The following SDK1 variants were observed in gnomAD, a reference collection of about 807,000 sequenced individuals.
The protein encoded by SDK1 is sidekick cell adhesion molecule 1.
Under a neutral mutation model 245.5 loss-of-function variants are expected in SDK1, and 157 were observed. The observed-to-expected ratio is 0.64, with a 90% CI of 0.56 to 0.73. SDK1 has a LOEUF of 0.73. Among genes scored for constraint, SDK1 ranks in the 30% least tolerant of loss-of-function variants. The pLI, the probability that SDK1 is intolerant of heterozygous loss-of-function variation, is 0.00. For synonymous variants in SDK1, 1,647 were observed against 1,278.5 expected (o/e 1.29, Z -6.15); for missense variants, 3,583 against 3,002.3 (o/e 1.19, Z -4.52).
chr7:3,408,613 C>T (rs1166465523), intron 1 of SDK1, among the ~76,000 whole-genome samples: 1 of 152,036 alleles, frequency 6.6e-6, no homozygotes, highest in African/African-American at 2.4e-5. Context: ...TTTTTGCTTT[C>T]TGTATGTTGA....
At chr7:3,591,204 GT>G (rs1450498088) in intron 1 of SDK1, among the ~76,000 whole-genome samples, 2 of 152,180 alleles carry the variant, frequency 1.3e-5, no homozygotes, top group Non-Finnish European at 2.9e-5. Flanking sequence ...TATCTTTAAT[GT>G]TTTTATGTGT....
intron 5 of SDK1, among the ~76,000 whole-genome samples, chr7:3,843,788 TGAG>T (rs1307967131): frequency 6.6e-6 from 1 of 152,278 alleles, no homozygotes; most frequent in African/African-American, 2.4e-5. Context: ...ATCTGTGAAA[TGAG>T]GAGCTTGAGC....
chr7:3,562,665 A>G (rs530603624), intron 1 of SDK1, among the ~76,000 whole-genome samples: 1 of 152,352 alleles, frequency 6.6e-6, no homozygotes, highest in African/African-American at 2.4e-5. Context: ...TATACATAAC[A>G]TAAACTTACC....
At chr7:3,707,330 G>T (rs1407823056) in intron 4 of SDK1, among the ~76,000 whole-genome samples, 1 of 152,156 alleles carries the variant, frequency 6.6e-6, no homozygotes, top group Non-Finnish European at 1.5e-5. Context: ...CCAGGAGCAG[G>T]TTGTTTAATT....
chr7:3,551,250 C>T (rs1779399972), intron 1 of SDK1, among the ~76,000 whole-genome samples: 2 of 152,190 alleles, frequency 1.3e-5, no homozygotes, highest in African/African-American at 4.8e-5. Flanking sequence ...GGTCATATAA[C>T]ATTAATGTGT....
intron 5 of SDK1, among the ~76,000 whole-genome samples, chr7:3,936,478 G>T (rs188398602): frequency 4.6e-5 from 7 of 151,990 alleles, no homozygotes; most frequent in South Asian, 2.1e-4. Context: ...CCAGCTACTC[G>T]GGAGGCTGAG....
chr7:3,969,484 C>A (rs920148182), intron 11 of SDK1, 60 bp downstream of exon 11: 5 of 1,360,610 alleles, frequency 3.7e-6, no homozygotes, highest in Non-Finnish European at 4.9e-6. Flanking sequence ...ATCACGTCAT[C>A]GTGTGCTTTG....
chr7:3,772,771 C>T (rs1046381842), intron 4 of SDK1, among the ~76,000 whole-genome samples: 1 of 152,308 alleles, frequency 6.6e-6, no homozygotes, highest in East Asian at 1.9e-4. Context: ...AGGTAACAAA[C>T]TCCCTCAACT....
intron 1 of SDK1, among the ~76,000 whole-genome samples, chr7:3,495,852 A>G (rs1430972677): frequency 6.6e-6 from 1 of 152,232 alleles, no homozygotes; most frequent in Non-Finnish European, 1.5e-5. Flanking sequence ...CGCTAGAGCC[A>G]GGAAGAGAGA....
chr7:3,363,769 G>A (rs1057113626), intron 1 of SDK1, among the ~76,000 whole-genome samples: 16 of 152,194 alleles, frequency 1.1e-4, no homozygotes, highest in Non-Finnish European at 2.1e-4. Context: ...GAGCTCAGGC[G>A]GGAATGCTCC....
intron 22 of SDK1, among the ~76,000 whole-genome samples, chr7:4,093,271 A>C (rs1266251075): frequency 1.3e-5 from 2 of 151,788 alleles, no homozygotes. Context: ...TTCATTTGCC[A>C]CTCCTGTTTG....
At chr7:3,467,277 A>C (rs1781037348) in intron 1 of SDK1, among the ~76,000 whole-genome samples, 1 of 152,128 alleles carries the variant, frequency 6.6e-6, no homozygotes, top group Non-Finnish European at 1.5e-5. Flanking sequence ...ATTGAGAAAC[A>C]TTTGGAGCCA....
intron 1 of SDK1, among the ~76,000 whole-genome samples, chr7:3,589,214 G>C (rs1435514455): frequency 1.3e-5 from 2 of 152,176 alleles, no homozygotes; most frequent in African/African-American, 2.4e-5. Context: ...TGATCTCACA[G>C]TTGGTGCGGA....
chr7:3,625,605 C>G (rs76680408), intron 2 of SDK1, among the ~76,000 whole-genome samples: 2 of 152,310 alleles, frequency 1.3e-5, no homozygotes, highest in Admixed American at 1.3e-4. Context: ...TTTGCAACGT[C>G]TATGGAGTCT....
intron 1 of SDK1, among the ~76,000 whole-genome samples, chr7:3,403,866 T>C (rs1368774235): frequency 1.7e-5 from 2 of 115,726 alleles, no homozygotes; most frequent in Non-Finnish European, 3.6e-5. Flanking sequence ...TATATATATA[T>C]ATAATATATA....
rs147544847 is a variant in SDK1 at position 4,045,378 on chromosome 7, G to T, written c.2603-3970G>T. ...CCATCTCAGCCTCCCAAGTAGCTGG[G>T]ACTATAGGTGTGTGCCATCATGCCC... is the stretch of plus-strand genomic sequence containing the variant. On this transcript the variant is annotated intron_variant, in intron 17 of 44. Coordinates refer to ENST00000404826, the MANE Select transcript of SDK1 (RefSeq NM_152744.4). Among the ~76,000 whole-genome samples the T allele has an allele frequency of 5.8e-3, 885 of 152,158 alleles. 2 individuals carry two copies. Among genetic ancestry groups the T allele is most frequent in the African/African-American group, 0.021 (868 of 41,496 alleles).
chr7:3,537,520 A>G (rs1316465951), intron 1 of SDK1, among the ~76,000 whole-genome samples: 1 of 152,182 alleles, frequency 6.6e-6, no homozygotes, highest in Admixed American at 6.5e-5. Flanking sequence ...CTTATTCCTC[A>G]TATATGGATT....
At chr7:4,031,773 C>T (rs1031739785) in intron 17 of SDK1, among the ~76,000 whole-genome samples, 1 of 151,652 alleles carries the variant, frequency 6.6e-6, no homozygotes, top group Non-Finnish European at 1.5e-5. Context: ...AATAACATTT[C>T]CCCAGCACTT....
intron 1 of SDK1, among the ~76,000 whole-genome samples, chr7:3,520,412 G>C (rs532830594): frequency 6.6e-6 from 1 of 152,264 alleles, no homozygotes; most frequent in Admixed American, 6.5e-5. Flanking sequence ...ATGATAACAG[G>C]CTGTGTGTAA....
Sources: gnomAD v4.1 joint callset for allele counts (sites outside exome capture counted in the v4.1 genomes callset) on GRCh38, gnomAD v4.1.1 for gene constraint, MANE v1.5 for transcripts, NCBI Gene and HGNC (gene_info 2026-07-23, HGNC 2026-07-21) for gene names.